CADPS2: variants seen among roughly 807,000 people sequenced by gnomAD.
CADPS2 encodes the protein calcium dependent secretion activator 2.
CADPS2 carries 93 observed loss-of-function variants against 172.5 expected under a neutral mutation model. The ratio of observed to expected loss-of-function variants is 0.54; its 90% CI spans 0.46 to 0.64. CADPS2 has a LOEUF of 0.64. Ranked by LOEUF, CADPS2 falls within the 30% of genes least tolerant of loss-of-function variation. The pLI, the probability that CADPS2 is intolerant of heterozygous loss-of-function variation, is 0.00. For synonymous variants in CADPS2, 546 were observed against 555.2 expected (o/e 0.98, Z 0.23); for missense variants, 1,420 against 1,565.9 (o/e 0.91, Z 1.57).
At chr7:122,509,223 C>T (rs989704281) in intron 9 of CADPS2, among the ~76,000 whole-genome samples, 2 of 152,154 alleles carry the variant, frequency 1.3e-5, no homozygotes, top group Non-Finnish European at 2.9e-5. Context: ...TGGGCAGCCA[C>T]TTCTTTATGT....
chr7:122,473,268 T>C (rs2152186825), intron 13 of CADPS2, among the ~76,000 whole-genome samples: 1 of 152,310 alleles, frequency 6.6e-6, no homozygotes, highest in Middle Eastern at 3.4e-3. Context: ...GCTGTTTCTG[T>C]ACCTTACTTC....
chr7:122,605,383 C>T (rs2073381730), intron 6 of CADPS2, among the ~76,000 whole-genome samples: 1 of 152,112 alleles, frequency 6.6e-6, no homozygotes, highest in Admixed American at 6.6e-5. Context: ...GCTCCATTAT[C>T]AACTTATTGG....
chr7:122,580,401 C>A (rs75708714), intron 7 of CADPS2, among the ~76,000 whole-genome samples: 1 of 147,752 alleles, frequency 6.8e-6, no homozygotes, highest in Admixed American at 6.9e-5. Flanking sequence ...TGCAATGAGC[C>A]GAGGTTGTGC....
chr7:122,698,345 C>A (rs766674590), intron 2 of CADPS2: 2 of 1,613,654 alleles, frequency 1.2e-6, no homozygotes, highest in Admixed American at 3.3e-5. Context: ...ACAAAAGAGA[C>A]CAAATAGTGA....
intron 8 of CADPS2, among the ~76,000 whole-genome samples, chr7:122,548,267 C>G (rs551338586): frequency 3.9e-5 from 6 of 151,950 alleles, no homozygotes; most frequent in East Asian, 3.9e-4. Context: ...CAGCTACTCA[C>G]GAGGCTGAGA....
chr7:122,596,665 A>G, intron 6 of CADPS2, among the ~76,000 whole-genome samples: 1 of 152,244 alleles, frequency 6.6e-6, no homozygotes, highest in East Asian at 1.9e-4. Context: ...TGTAAACAAC[A>G]TTGTGCTCTG....
At chr7:122,601,400 G>C (rs567132418) in intron 6 of CADPS2, among the ~76,000 whole-genome samples, 86 of 152,056 alleles carry the variant, frequency 5.7e-4, no homozygotes, top group African/African-American at 2.0e-3. Flanking sequence ...TCGCCAACCA[G>C]ATCCATCTTG....
At chr7:122,524,706 A>C (rs2061067516) in intron 8 of CADPS2, among the ~76,000 whole-genome samples, 1 of 152,224 alleles carries the variant, frequency 6.6e-6, no homozygotes, top group Non-Finnish European at 1.5e-5. Context: ...TACTTTGAGA[A>C]ATTAACTGGA....
At chr7:122,506,042 T>A (rs748646784) in intron 9 of CADPS2, among the ~76,000 whole-genome samples, 178 of 152,132 alleles carry the variant, frequency 1.2e-3, no homozygotes, top group Non-Finnish European at 2.1e-3. Flanking sequence ...CAGTTGGCAC[T>A]AATAGTTAAA....
Position 122,732,677 on chromosome 7 carries a change from A to G in CADPS2, c.453+4278T>C, listed in dbSNP as rs559199020. On this transcript the variant is annotated intron_variant, in intron 2 of 29. Coordinates refer to ENST00000449022, the MANE Select transcript of CADPS2 (RefSeq NM_017954.11). ...TATTTGTGTATAATATATATTATGT[A>G]ATAAATACATATATTTACATTATAT... is the stretch of plus-strand genomic sequence containing the variant. Among the ~76,000 whole-genome samples the G allele has an allele frequency of 3.8e-3, 556 of 145,336 alleles. 12 individuals carry two copies. In the Middle Eastern group the frequency reaches 0.066, roughly 17 times the overall value.
chr7:122,365,310 A>G (rs1307052535), intron 25 of CADPS2, among the ~76,000 whole-genome samples: 1 of 152,174 alleles, frequency 6.6e-6, no homozygotes, highest in Non-Finnish European at 1.5e-5. Context: ...AAGTGCTTAC[A>G]TGGCAGTGAG....
intron 1 of CADPS2, among the ~76,000 whole-genome samples, chr7:122,737,536 T>C (rs902180158): frequency 1.3e-5 from 2 of 152,154 alleles, no homozygotes; most frequent in Admixed American, 6.5e-5. Flanking sequence ...TTAAAACATT[T>C]CCAAGCCATT....
Position 122,525,285 on chromosome 7 carries a change from T to A in CADPS2, c.1476-11970A>T, listed in dbSNP as rs182743878. On this transcript the variant is annotated intron_variant, in intron 8 of 29. Coordinates refer to ENST00000449022, the MANE Select transcript of CADPS2 (RefSeq NM_017954.11). ...AGGACATTTTAGCAGAGCTCTGAAA[T>A]TTAGTAAACAAACTATGTCTGTCTT... is the stretch of plus-strand genomic sequence containing the variant. Among the ~76,000 whole-genome samples, 815 of 152,306 alleles carry A rather than the reference T, an allele frequency of 5.4e-3. 6 individuals carry two copies. The highest frequency in any genetic ancestry group is 0.011 in the Admixed American group (163 of 15,280).
chr7:122,592,902 G>T (rs578082420), intron 6 of CADPS2, among the ~76,000 whole-genome samples: 1 of 151,660 alleles, frequency 6.6e-6, no homozygotes, highest in Non-Finnish European at 1.5e-5. Context: ...ATGAGTTATC[G>T]GGTGCAGCAC....
At chr7:122,794,942 C>G (rs1050338117) in intron 1 of CADPS2, among the ~76,000 whole-genome samples, 1 of 151,908 alleles carries the variant, frequency 6.6e-6, no homozygotes, top group African/African-American at 2.4e-5. Context: ...ATACAACATA[C>G]CAGAATCTCT....
intron 28 of CADPS2, among the ~76,000 whole-genome samples, chr7:122,337,791 G>A (rs2036108073): frequency 6.7e-6 from 1 of 148,740 alleles, no homozygotes; most frequent in Non-Finnish European, 1.5e-5. Context: ...GAGCAGCTCT[G>A]TATGGCATCT....
At chr7:122,704,100 A>G (rs780633864) in intron 2 of CADPS2, among the ~76,000 whole-genome samples, 21 of 152,146 alleles carry the variant, frequency 1.4e-4, no homozygotes, top group Non-Finnish European at 2.6e-4. Flanking sequence ...TAGAAAAAGA[A>G]AAGACCTTAT....
rs187942175 is a variant in CADPS2, at chr7:122,657,532, G to A, written c.786+5705C>T. The stretch of plus-strand genomic sequence containing the variant: ...CTTGAAGAGGTCCTTCACATCCCTT[G>A]TAAGTTGGATTCCTAGGTATTTTGT... On this transcript the variant is annotated intron_variant, in intron 3 of 29. Transcript: ENST00000449022. 2.4e-3 allele frequency among the ~76,000 whole-genome samples: 372 copies of A among 152,192 alleles called. 1 individual carries two copies. Among genetic ancestry groups the A allele is most frequent in the Middle Eastern group, 0.014 (4 of 294 alleles).
intron 7 of CADPS2, among the ~76,000 whole-genome samples, chr7:122,579,062 T>C (rs539452497): frequency 2.6e-4 from 40 of 152,204 alleles, no homozygotes; most frequent in Non-Finnish European, 3.2e-4. Context: ...CAATTGGAAA[T>C]ACTGAGTACG....
Sources: gnomAD v4.1 joint callset for allele counts (sites outside exome capture counted in the v4.1 genomes callset) on GRCh38, gnomAD v4.1.1 for gene constraint, MANE v1.5 for transcripts, NCBI Gene and HGNC (gene_info 2026-07-23, HGNC 2026-07-21) for gene names.